TRIM24: variants seen among roughly 807,000 people sequenced by gnomAD.
TRIM24 encodes the protein transcription intermediary factor 1-alpha.
TRIM24 carries 29 observed loss-of-function variants against 123.9 expected under a neutral mutation model. The ratio of observed to expected loss-of-function variants is 0.23; its 90% CI spans 0.17 to 0.32. The LOEUF is 0.32. Ranked by LOEUF, TRIM24 falls within the 10% of genes least tolerant of loss-of-function variation. The pLI, the probability that TRIM24 is intolerant of heterozygous loss-of-function variation, is 1.00. For missense variants in TRIM24, 932 were observed against 1,295.3 expected, an observed-to-expected ratio of 0.72 and a Z score of 4.31; for synonymous variants, 456 against 461.1, an observed-to-expected ratio of 0.99 and a Z score of 0.14.
chr7:138,549,443 G>C (rs1283333255), intron 7 of TRIM24, among the ~76,000 whole-genome samples: 1 of 152,098 alleles, frequency 6.6e-6, no homozygotes, highest in Non-Finnish European at 1.5e-5. Context: ...AAAACAGGTT[G>C]GCATTGGAAC....
At chr7:138,539,174 C>T (rs1157864655) in intron 7 of TRIM24, among the ~76,000 whole-genome samples, 2 of 151,844 alleles carry the variant, frequency 1.3e-5, no homozygotes, top group East Asian at 1.9e-4. Flanking sequence ...ACCTATTCAC[C>T]CCCCTTGTAC....
At position 138,460,825 on chromosome 7, in the gene TRIM24, G is replaced by A; in HGVS notation, c.277G>A (p.Ala93Thr). Reference protein sequence around the residue: ...PAPQRYLMLPAPMLGSAETPP... With the variant: ...PAPQRYLMLPTPMLGSAETPP... ...GCCCCAGCGCTACCTCATGCTGCCCGCGCCCATGCTGGGCTCGGCCGAGAC... is the reference window on the plus strand; with the variant it reads ...GCCCCAGCGCTACCTCATGCTGCCCACGCCCATGCTGGGCTCGGCCGAGAC... The change falls in exon 1 of 19, where the codon GCG (alanine) becomes ACG (threonine). Residue 93 changes from alanine (A) to threonine (T), a missense_variant. Around this residue, in one of 7 missense-constraint regions of TRIM24, gnomAD observed 164 missense variants for 181.9 expected, o/e 0.90. Transcript: ENST00000343526. The A allele has an allele frequency of 1.9e-6, 3 of 1,578,066 alleles. No individual in the cohort carries two copies. The highest frequency in any genetic ancestry group is 1.4e-5 in the African/African-American group (1 of 71,452).
intron 1 of TRIM24, among the ~76,000 whole-genome samples, chr7:138,501,679 A>C (rs919685855): frequency 6.6e-6 from 1 of 152,004 alleles, no homozygotes; most frequent in African/African-American, 2.4e-5. Context: ...CGAGGTCAGG[A>C]GATCAAGACC....
chr7:138,542,222 G>A (rs1200112141), intron 7 of TRIM24, among the ~76,000 whole-genome samples: 1 of 152,162 alleles, frequency 6.6e-6, no homozygotes, highest in African/African-American at 2.4e-5. Flanking sequence ...CTTTCAGCCT[G>A]TCTCAGCTTT....
chr7:138,517,665 C>T lies in TRIM24; in HGVS notation c.632-1524C>T, dbSNP rs549557240. Among the ~76,000 whole-genome samples the T allele has an allele frequency of 8.5e-5, 13 of 152,220 alleles. 1 individual carries two copies. In the South Asian group the frequency reaches 1.5e-3, roughly 17 times the overall value. ...CTGGGATTACAGATGTGAGCCACCA[C>T]GCCTGGTATAGGCCAGCATACTGGT... On this transcript the variant is annotated intron_variant, in intron 3 of 18. Transcript: ENST00000343526.
At chr7:138,545,328 G>A (rs1049855517) in intron 7 of TRIM24, 2 of 432,906 alleles carry the variant, frequency 4.6e-6, no homozygotes, top group Admixed American at 2.4e-5. Flanking sequence ...TGGCAGCCAC[G>A]GATGTGAAGT....
chr7:138,466,107 G>A (rs1036598396), intron 1 of TRIM24, among the ~76,000 whole-genome samples: 2 of 152,100 alleles, frequency 1.3e-5, no homozygotes, highest in African/African-American at 4.8e-5. Context: ...GGGTTCAGGC[G>A]ATTCTCCTGC....
intron 16 of TRIM24, 110 bp downstream of exon 16, chr7:138,580,804 TA>T (rs1797877925): frequency 2.8e-6 from 3 of 1,052,766 alleles, no homozygotes; most frequent in East Asian, 2.8e-5. Flanking sequence ...CCTTTTTATT[TA>T]AGAGTATTTT....
chr7:138,474,567 T>A (rs924309679), intron 1 of TRIM24, among the ~76,000 whole-genome samples: 3 of 152,250 alleles, frequency 2.0e-5, no homozygotes, highest in Non-Finnish European at 4.4e-5. Context: ...CCTGTTTTCT[T>A]CTTGGAAGTC....
In TRIM24 at chr7:138,487,768, C is replaced by G. The variant is rs559359848; in HGVS notation, c.365-16522C>G. 7.4e-4 allele frequency among the ~76,000 whole-genome samples: 112 copies of G among 152,128 alleles called. 3 individuals are homozygous for G. In the South Asian group the frequency reaches 0.023, roughly 31 times the overall value. On this transcript the variant is annotated intron_variant, in intron 1 of 18. Transcript: ENST00000343526. ...TTGCCAGTATTTTATTGAGAATTTT[C>G]ACATCGATGTTCATCAGGGATATTG...
In TRIM24 at chr7:138,583,538, TAAGCCC is replaced by T. The variant is rs577306900; in HGVS notation, c.2794-310_2794-305del. On this transcript the variant is annotated intron_variant, in intron 17 of 18. Coordinates refer to ENST00000343526, the MANE Select transcript of TRIM24 (RefSeq NM_015905.3). ...GAGAGGCTGAGGTGAGAGGATCACT[TAAGCCC>T]AGGAGGCAAAGTTTGCAGTGAGCCG... is the stretch of plus-strand genomic sequence containing the variant. Among the ~76,000 whole-genome samples, 16 of 152,278 alleles carry T rather than the reference TAAGCCC, an allele frequency of 1.1e-4. No individual in the cohort carries two copies. In the South Asian group the frequency reaches 3.3e-3, roughly 32 times the overall value.
At chr7:138,535,011 T>A (rs186141401) in intron 6 of TRIM24, among the ~76,000 whole-genome samples, 532 of 152,326 alleles carry the variant, frequency 3.5e-3, no homozygotes, top group African/African-American at 0.012. Flanking sequence ...GTTTAAAGTC[T>A]GTTTTATCAG....
chr7:138,549,519 A>G (rs978986132), intron 7 of TRIM24, among the ~76,000 whole-genome samples: 2 of 152,172 alleles, frequency 1.3e-5, no homozygotes, highest in Admixed American at 6.5e-5. Context: ...CCATGGGATT[A>G]TAGCGTGCTA....
chr7:138,533,427 G>A (rs1440160619), intron 6 of TRIM24, among the ~76,000 whole-genome samples: 1 of 152,156 alleles, frequency 6.6e-6, no homozygotes, highest in Admixed American at 6.5e-5. Flanking sequence ...AGCATGAAGG[G>A]CTGTTGAATT....
intron 7 of TRIM24, among the ~76,000 whole-genome samples, chr7:138,541,618 A>G (rs149092511): frequency 6.6e-6 from 1 of 152,332 alleles, no homozygotes; most frequent in East Asian, 1.9e-4. Context: ...GGAATGGTCA[A>G]TGAGCATTGG....
chr7:138,520,874 A>G (rs78851621), intron 4 of TRIM24, among the ~76,000 whole-genome samples: 2 of 152,152 alleles, frequency 1.3e-5, no homozygotes, highest in Non-Finnish European at 2.9e-5. Flanking sequence ...TCTAATGTGG[A>G]TGTAATTGCA....
chr7:138,575,680 CCTT>C (rs1257564175), intron 12 of TRIM24, among the ~76,000 whole-genome samples: 2 of 151,912 alleles, frequency 1.3e-5, no homozygotes, highest in Non-Finnish European at 2.9e-5. Flanking sequence ...TTAGTTTGGG[CCTT>C]CATCAGTTCA....
chr7:138,561,569 G>T (rs1228688612), intron 9 of TRIM24, among the ~76,000 whole-genome samples: 1 of 152,134 alleles, frequency 6.6e-6, no homozygotes, highest in Non-Finnish European at 1.5e-5. Context: ...AGAGTCAGTT[G>T]GTCAGCTTCC....
At chr7:138,496,081 C>G (rs1229200150) in intron 1 of TRIM24, among the ~76,000 whole-genome samples, 1 of 152,138 alleles carries the variant, frequency 6.6e-6, no homozygotes, top group African/African-American at 2.4e-5. Context: ...TATTCTCTGT[C>G]TTTTGCATTT....
Sources: allele counts gnomAD v4.1 joint callset (sites outside exome capture counted in the v4.1 genomes callset), GRCh38; gene constraint gnomAD v4.1.1; regional missense constraint gnomAD v4.1.1; transcripts MANE v1.5; gene names NCBI Gene and HGNC (gene_info 2026-07-23, HGNC 2026-07-21).